Variants in VIRMA observed in about 807,000 individuals in gnomAD.
VIRMA encodes the protein vir like m6A methyltransferase associated, also known as protein virilizer homolog.
In VIRMA, 65 loss-of-function variants were observed where a neutral mutation model predicts 182.4. That is an observed-to-expected ratio of 0.36 (90% CI 0.29 to 0.44). The LOEUF (loss-of-function observed/expected upper bound fraction) is 0.44, where lower values mean the gene tolerates loss of function less well. VIRMA is among the 20% of genes least tolerant of loss of function. The pLI, the probability that VIRMA is intolerant of heterozygous loss-of-function variation, is 1.00. For synonymous variants in VIRMA, 709 were observed against 743.1 expected (o/e 0.95, Z 0.75); for missense variants, 1,752 against 2,158.1 (o/e 0.81, Z 3.73).
At chr8:94,544,818 C>T (rs924924692) in intron 1 of VIRMA, among the ~76,000 whole-genome samples, 6 of 151,876 alleles carry the variant, frequency 4.0e-5, no homozygotes, top group Non-Finnish European at 7.4e-5. Flanking sequence ...TAAGAAACTG[C>T]AAATCTGTAC....
intron 16 of VIRMA, among the ~76,000 whole-genome samples, chr8:94,502,270 G>A (rs920692616): frequency 5.3e-5 from 8 of 151,898 alleles, no homozygotes; most frequent in African/African-American, 1.7e-4. Flanking sequence ...CCCGGGAGGC[G>A]AAGGCTGCAG....
chr8:94,537,182 C>T (rs1815374359), intron 3 of VIRMA, 31 bp from the exon 4 acceptor site: 1 of 1,360,582 alleles, frequency 7.3e-7, no homozygotes, highest in Non-Finnish European at 1.1e-6. Flanking sequence ...AATATGTAAG[C>T]TCAAACACTG....
At chr8:94,536,085 G>A (rs1033396174) in intron 4 of VIRMA, among the ~76,000 whole-genome samples, 4 of 152,168 alleles carry the variant, frequency 2.6e-5, no homozygotes, top group Admixed American at 2.0e-4. Flanking sequence ...ACCATATTGG[G>A]TAAAGACAAA....
At chr8:94,529,483 TAA>T in intron 6 of VIRMA, 141 bp from the exon 7 acceptor site, 3 of 607,044 alleles carry the variant, frequency 4.9e-6, no homozygotes, top group Non-Finnish European at 5.8e-6. Context: ...ACTCACTGTT[TAA>T]AAAATATTGA....
rs1447403615 is a variant in VIRMA at position 94,514,885 on chromosome 8, A to G, written c.2735T>C (p.Ile912Thr). Residue 912 changes from isoleucine to threonine, a missense_variant, in exon 11 of 24, where the codon ATT (isoleucine) becomes ACT (threonine). Around this residue, in one of 11 missense-constraint regions of VIRMA, gnomAD observed 777 missense variants for 920.6 expected, o/e 0.84. Transcript: ENST00000297591. Reference protein sequence around the residue: ...RFEINCIPNLIEYVKQNIDNL... With the variant: ...RFEINCIPNLTEYVKQNIDNL... ...TACACTTACCTGCTTAACATACTCAATTAAGTTTGGGATGCAGTTAATTTC... is the reference window on the plus strand; with the variant it reads ...TACACTTACCTGCTTAACATACTCAGTTAAGTTTGGGATGCAGTTAATTTC... The G allele has an allele frequency of 7.0e-6, 11 of 1,582,158 alleles. No homozygotes were observed. The Middle Eastern group carries it at 6.7e-4, about 97-fold the overall frequency.
In VIRMA at chr8:94,511,548, T is replaced by C. The variant is rs1469137424; in HGVS notation, c.3027A>G (p.Thr1009=). 1.9e-6 allele frequency: 3 copies of C among 1,614,096 alleles called. No homozygotes were observed. The East Asian group carries it at 6.7e-5, about 36-fold the overall frequency. ...TTAACATAGTTTTAAGAAGAGTGAG[T>C]GTGCAGCGAGCCATTGAAATAGTAG... ...RVTTISMARC[T]LTLLKTMLTE... is the part of the protein sequence containing the mutation. Residue 1009 remains threonine (T), a synonymous_variant, in exon 13 of 24, where the codon ACA becomes ACG. Coordinates refer to ENST00000297591, the MANE Select transcript of VIRMA (RefSeq NM_015496.5).
rs1420406535 is a variant in VIRMA, at chr8:94,524,608, G to GT, written c.2021+1614dup. Among the ~76,000 whole-genome samples the GT allele has an allele frequency of 3.3e-5, 5 of 151,976 alleles. No individual in the cohort carries two copies. The East Asian group carries it at 7.8e-4, about 24-fold the overall frequency. On this transcript the variant is annotated intron_variant, in intron 8 of 23. Transcript: ENST00000297591. ...GCGTGAGCCACCACACCCGGCTCTAGTTTTTTATTTTTAGTAGAGATGGGG... is the reference window on the plus strand; with the variant it reads ...GCGTGAGCCACCACACCCGGCTCTAGTTTTTTTATTTTTAGTAGAGATGGGG...
chr8:94,505,798 A>G (rs112498209), intron 16 of VIRMA, among the ~76,000 whole-genome samples: 3 of 152,164 alleles, frequency 2.0e-5, no homozygotes, highest in Admixed American at 6.6e-5. Flanking sequence ...AGCTATTTAT[A>G]TAATTTCAGA....
intron 2 of VIRMA, among the ~76,000 whole-genome samples, chr8:94,542,115 C>T (rs1465107932): frequency 6.6e-6 from 1 of 152,192 alleles, no homozygotes; most frequent in Non-Finnish European, 1.5e-5. Flanking sequence ...CTGGTATTCA[C>T]ACCCTATGTG....
chr8:94,494,330 G>A (rs572224233), intron 20 of VIRMA, among the ~76,000 whole-genome samples: 9 of 151,502 alleles, frequency 5.9e-5, no homozygotes, highest in South Asian at 2.1e-4. Context: ...GGTGGCTCAC[G>A]CCTGTAATCT....
In VIRMA at chr8:94,526,676, C is replaced by A; in HGVS notation, c.1568G>T (p.Gly523Val). 3 of 1,613,924 alleles carry A rather than the reference C, an allele frequency of 1.9e-6. No individual in the cohort carries two copies. Among genetic ancestry groups the A allele is most frequent in the Non-Finnish European group, 2.5e-6 (3 of 1,180,006 alleles). ...ATAACCACTTTTTTCATTCTGCCTA[C>A]CTCTTAAAAAAGCTTCCATTCCTTC... ...MTEGMEAFLRGRQNEKSGYQK... is the reference protein window; with the variant it reads ...MTEGMEAFLRVRQNEKSGYQK... The change falls in exon 8 of 24, where the codon GGT becomes GTT. Residue 523 changes from glycine (G) to valine (V), a missense_variant. Physicochemically the swap from Gly to Val is moderately radical, Grantham distance 109 (BLOSUM62 -3). Transcript: ENST00000297591.
In VIRMA at chr8:94,511,379, C is replaced by T. The variant is rs1177646337; in HGVS notation, c.3196G>A (p.Asp1066Asn). The T allele has an allele frequency of 5.0e-6, 8 of 1,613,842 alleles. No homozygotes were observed. The highest frequency in any genetic ancestry group is 6.8e-6 in the Non-Finnish European group (8 of 1,179,880). ...DEQKIQNDII[D>N]ILLTFTQGVN... is the part of the protein sequence containing the mutation. ...CCTTGTGTAAAAGTCAGTAAAATATCAATGATATCATTCTGAATTTTCTGT... is the reference window on the plus strand; with the variant it reads ...CCTTGTGTAAAAGTCAGTAAAATATTAATGATATCATTCTGAATTTTCTGT... Residue 1066 changes from aspartate (D) to asparagine (N), a missense_variant, in exon 13 of 24, where the codon GAT (aspartate) becomes AAT (asparagine). Asp to Asn is a conservative substitution (Grantham distance 23, BLOSUM62 1). Transcript: ENST00000297591.
At chr8:94,547,687 T>C (rs1815819341) in intron 1 of VIRMA, among the ~76,000 whole-genome samples, 1 of 150,924 alleles carries the variant, frequency 6.6e-6, no homozygotes, top group Non-Finnish European at 1.5e-5. Context: ...TAAAAATGTG[T>C]AAAACAATTT....
At chr8:94,493,915 T>G (rs1216334221) in intron 20 of VIRMA, among the ~76,000 whole-genome samples, 1 of 152,228 alleles carries the variant, frequency 6.6e-6, no homozygotes. Flanking sequence ...TTAATTATAC[T>G]CTTACCTATT....
At chr8:94,543,401 C>CAAAAAAAAAAAAAAAAAAAAAAA (rs1162030319) in intron 2 of VIRMA, among the ~76,000 whole-genome samples, 1 of 43,196 alleles carries the variant, frequency 2.3e-5, no homozygotes, top group African/African-American at 6.7e-5. Flanking sequence ...AACTCCATCT[C>CAAAAAAAAAAAAAAAAAAAAAAA]AAAAAAAAAA....
intron 1 of VIRMA, among the ~76,000 whole-genome samples, chr8:94,547,264 A>C (rs1815803710): frequency 6.6e-6 from 1 of 151,176 alleles, no homozygotes; most frequent in Non-Finnish European, 1.5e-5. Flanking sequence ...TTGTGTTTTC[A>C]GAGAATTAAA....
chr8:94,527,431 A>G (rs1454970538), intron 7 of VIRMA, 68 bp from the exon 8 acceptor site: 2 of 978,400 alleles, frequency 2.0e-6, no homozygotes, highest in South Asian at 4.7e-5. Flanking sequence ...TTCTGATTGA[A>G]CAAGAAATAG....
chr8:94,499,540 C>A (rs1440287191), intron 16 of VIRMA, 34 bp from the exon 17 acceptor site: 2 of 1,334,198 alleles, frequency 1.5e-6, no homozygotes, highest in Non-Finnish European at 2.1e-6. Context: ...AAGATATTAT[C>A]TTAAAATATG....
intron 15 of VIRMA, among the ~76,000 whole-genome samples, chr8:94,508,600 T>A (rs1428212830): frequency 2.0e-5 from 3 of 151,624 alleles, no homozygotes; most frequent in Non-Finnish European, 4.4e-5. Flanking sequence ...CAACCCAAAG[T>A]GGATTATACA....
Sources: allele counts gnomAD v4.1 joint callset (sites outside exome capture counted in the v4.1 genomes callset), GRCh38; gene constraint gnomAD v4.1.1; regional missense constraint gnomAD v4.1.1; transcripts MANE v1.5; gene names NCBI Gene and HGNC (gene_info 2026-07-23, HGNC 2026-07-21).